The following EFCAB3 variants were observed in gnomAD, a reference collection of about 807,000 sequenced individuals.
EFCAB3 encodes the protein EF-hand calcium binding domain 3.
A neutral mutation model predicts 42.2 loss-of-function variants in EFCAB3; 36 were observed. The ratio of observed to expected loss-of-function variants is 0.85; its 90% confidence interval spans 0.65 to 1.13. The LOEUF (loss-of-function observed/expected upper bound fraction) is 1.13, where lower values mean the gene tolerates loss of function less well. Among genes scored for constraint, EFCAB3 ranks in the 50% most tolerant of loss-of-function variants. The pLI is 0.00. For missense variants in EFCAB3, 418 were observed against 505.1 expected, an observed-to-expected ratio of 0.83 and a Z score of 1.65; for synonymous variants, 170 against 172.8, an observed-to-expected ratio of 0.98 and a Z score of 0.13.
intron 8 of EFCAB3, among the ~76,000 whole-genome samples, chr17:62,411,287 C>T (rs1266875365): frequency 6.6e-6 from 1 of 152,090 alleles, no homozygotes; most frequent in Non-Finnish European, 1.5e-5. Flanking sequence ...GACTGTAAAA[C>T]ATGTTTTAAA....
At chr17:62,405,855 A>T (rs2070442939) in intron 6 of EFCAB3, among the ~76,000 whole-genome samples, 1 of 152,136 alleles carries the variant, frequency 6.6e-6, no homozygotes, top group South Asian at 2.1e-4. Context: ...ATCAATAGTG[A>T]TTTACTCCAG....
chr17:62,415,129 C>CA (rs1015521000), intron 9 of EFCAB3, among the ~76,000 whole-genome samples: 2 of 142,214 alleles, frequency 1.4e-5, no homozygotes, highest in African/African-American at 2.8e-5. Context: ...CAAAAAAAAA[C>CA]AAAAAAACCA....
intron 6 of EFCAB3, among the ~76,000 whole-genome samples, chr17:62,399,313 G>A (rs1457914667): frequency 1.3e-5 from 2 of 151,776 alleles, no homozygotes; most frequent in African/African-American, 2.4e-5. Context: ...GATTACAGGT[G>A]TGCACCATCA....
At chr17:62,370,427 G>A (rs1299111534) in intron 1 of EFCAB3, 5 of 1,164,950 alleles carry the variant, frequency 4.3e-6, no homozygotes, top group Non-Finnish European at 6.3e-6. Flanking sequence ...TGCCAAGGCA[G>A]GTGGATCACC....
rs1297723668 is a variant in EFCAB3, at chr17:62,391,838, C to G, written c.168C>G (p.Tyr56Ter). Residue 56 changes from tyrosine (Y) to a stop codon, truncating the protein, a stop_gained, in exon 4 of 10, where the codon TAC (tyrosine) becomes TAG (stop). Coordinates refer to ENST00000305286, the MANE Select transcript of EFCAB3 (RefSeq NM_173503.4). LOFTEE classifies it high-confidence loss of function. The part of the protein sequence containing the change: ...ASQMAAFQDA[Y>*]NFFYKDKTGC... ...TCTCCCCAGCTTTCCAAGATGCCTA[C>G]AACTTCTTCTACAAGGACAAAACTG... 6.2e-7 allele frequency: 1 copy of G among 1,613,494 alleles called. No homozygotes were observed. Among genetic ancestry groups the G allele is most frequent in the Non-Finnish European group, 8.5e-7 (1 of 1,179,692 alleles).
upstream of EFCAB3, among the ~76,000 whole-genome samples, chr17:62,379,107 A>G (rs1455418441): frequency 6.6e-6 from 1 of 152,208 alleles, no homozygotes; most frequent in African/African-American, 2.4e-5. Context: ...TCTAGTCTCC[A>G]AAATATATAA....
chr17:62,383,204 AG>A, intron 2 of EFCAB3, 151 bp downstream of exon 2: 1 of 663,366 alleles, frequency 1.5e-6, no homozygotes, highest in Non-Finnish European at 2.5e-6. Context: ...GGCCAGATGC[AG>A]TGGCTCACAC....
At chr17:62,376,331 G>T (rs1042378905), upstream of EFCAB3, among the ~76,000 whole-genome samples, 1 of 151,958 alleles carries the variant, frequency 6.6e-6, no homozygotes, top group Non-Finnish European at 1.5e-5. Flanking sequence ...AATTAGCCAG[G>T]CTTGGTGGCA....
intron 3 of EFCAB3, 44 bp downstream of exon 3, chr17:62,387,460 A>G (rs1598009459): frequency 6.7e-7 from 1 of 1,483,004 alleles, no homozygotes; most frequent in Admixed American, 1.7e-5. Flanking sequence ...CAGCTCCTTA[A>G]TATGTCTGAT....
chr17:62,408,386 C>A (rs996773717), intron 8 of EFCAB3, among the ~76,000 whole-genome samples: 1 of 152,158 alleles, frequency 6.6e-6, no homozygotes, highest in Admixed American at 6.5e-5. Flanking sequence ...CCCCTTCAAT[C>A]GATTCTCAAC....
intron 7 of EFCAB3, 144 bp downstream of exon 7, chr17:62,406,817 T>C: frequency 2.2e-6 from 2 of 929,920 alleles, no homozygotes; most frequent in South Asian, 1.8e-5. Context: ...TAGATGTCAT[T>C]TGAAAGCAAA....
rs115062695 is a variant in EFCAB3, at chr17:62,407,049, G to T, written c.704G>T (p.Ser235Ile). The T allele has an allele frequency of 5.7e-6, 9 of 1,591,890 alleles. No homozygotes were observed. The highest frequency in any genetic ancestry group is 6.8e-6 in the Non-Finnish European group (8 of 1,173,556). ...ELKRCNSGSD[S>I]PYSKIPIFPL... is the part of the protein sequence containing the mutation. ...TTAGGATGCAATTCCGGTTCAGATA[G>T]CCCATATTCAAAAATACCCATCTTT... is the stretch of plus-strand genomic sequence containing the variant. The change falls in exon 8 of 10, where the codon AGC (serine) becomes ATC (isoleucine). Residue 235 changes from serine to isoleucine, a missense_variant. Ser to Ile is a moderately radical substitution (Grantham distance 142). Transcript: ENST00000305286.
At chr17:62,413,097 C>T (rs1325471324) in intron 8 of EFCAB3, among the ~76,000 whole-genome samples, 1 of 152,074 alleles carries the variant, frequency 6.6e-6, no homozygotes, top group African/African-American at 2.4e-5. Context: ...AACTGTGATA[C>T]AAAAGTCAAA....
intron 2 of EFCAB3, 93 bp downstream of exon 2, chr17:62,383,146 G>T: frequency 8.4e-7 from 1 of 1,197,286 alleles, no homozygotes; most frequent in East Asian, 2.5e-5. Context: ...CAGGTTTTCC[G>T]ATCTTTACTG....
At chr17:62,414,798 G>A (rs2070530992) in intron 9 of EFCAB3, among the ~76,000 whole-genome samples, 1 of 151,954 alleles carries the variant, frequency 6.6e-6, no homozygotes, top group Non-Finnish European at 1.5e-5. Flanking sequence ...CTGGCTGATT[G>A]TCATTCTCTA....
intron 2 of EFCAB3, among the ~76,000 whole-genome samples, chr17:62,385,054 A>C (rs527588072): frequency 1.3e-5 from 2 of 152,346 alleles, no homozygotes; most frequent in East Asian, 1.9e-4. Flanking sequence ...TTTTCAACTT[A>C]TGATGGGTTT....
rs749716244 is a variant in EFCAB3 at position 62,391,945 on chromosome 17, T to C, written c.275T>C (p.Leu92Ser). The C allele has an allele frequency of 5.0e-6, 8 of 1,608,836 alleles. No homozygotes were observed. In the Admixed American group the frequency reaches 1.2e-4, roughly 24 times the overall value. The change falls in exon 4 of 10, where the codon TTG (leucine) becomes TCG (serine). Residue 92 changes from leucine to serine, a missense_variant. By Grantham distance (145) the Leu-to-Ser change is moderately radical. Transcript: ENST00000305286. Reference sequence around the variant, plus strand: ...ACCAAGCATGATGTCTATAATGAATTGAAATGTGCTGATATTGATCGTGAG... The same window carrying C: ...ACCAAGCATGATGTCTATAATGAATCGAAATGTGCTGATATTGATCGTGAG... ...NLTKHDVYNE[L>S]KCADIDRDGK...
Position 62,382,992 on chromosome 17 carries a change from G to A in EFCAB3, c.13G>A (p.Glu5Lys). 6.2e-7 allele frequency: 1 copy of A among 1,613,502 alleles called. No individual in the cohort carries two copies. The highest frequency in any genetic ancestry group is 8.5e-7 in the Non-Finnish European group (1 of 1,179,870). ...AGTCACTGGCCACATGGCAGTTTCAGAAATTAAACCAAAACTTAAGCTGAA... is the reference window on the plus strand; with the variant it reads ...AGTCACTGGCCACATGGCAGTTTCAAAAATTAAACCAAAACTTAAGCTGAA... MAVS[E>K]IKPKLKLNPL... Residue 5 changes from glutamate (E) to lysine (K), a missense_variant, in exon 2 of 10, where the codon GAA becomes AAA. Transcript: ENST00000305286.
chr17:62,398,659 C>A (rs1319235788), intron 6 of EFCAB3, among the ~76,000 whole-genome samples: 2 of 151,538 alleles, frequency 1.3e-5, no homozygotes, highest in South Asian at 4.2e-4. Flanking sequence ...CAAAGTGAGA[C>A]CCTGTCTCAA....
Sources: allele counts gnomAD v4.1 joint callset (sites outside exome capture counted in the v4.1 genomes callset), GRCh38; gene constraint gnomAD v4.1.1; transcripts MANE v1.5; gene names NCBI Gene and HGNC (gene_info 2026-07-23, HGNC 2026-07-21).